GNA12: variants seen among roughly 807,000 people sequenced by gnomAD.
The protein encoded by GNA12 is G protein subunit alpha 12.
In GNA12, 9 loss-of-function variants were observed where a neutral mutation model predicts 26.0. That is an observed-to-expected ratio of 0.35 (90% CI 0.21 to 0.60). The LOEUF (loss-of-function observed/expected upper bound fraction) is 0.60, where lower values mean the gene tolerates loss of function less well. Among genes scored for constraint, GNA12 ranks in the 20% least tolerant of loss-of-function variants. The probability of loss-of-function intolerance (pLI) is 0.78; values close to 1 mark genes in which losing one functional copy is unlikely to be tolerated. For synonymous variants in GNA12, 264 were observed against 219.6 expected, an observed-to-expected ratio of 1.20 and a Z score of -1.79; for missense variants, 405 against 525.8, an observed-to-expected ratio of 0.77 and a Z score of 2.25.
intron 1 of GNA12, among the ~76,000 whole-genome samples, chr7:2,820,951 G>A (rs938301718): frequency 5.9e-5 from 9 of 152,210 alleles, no homozygotes; most frequent in African/African-American, 2.2e-4. Context: ...ATGTTGCTCA[G>A]GCTGGTCTTG....
chr7:2,769,816 A>G (rs1791903291), intron 2 of GNA12, among the ~76,000 whole-genome samples: 2 of 152,202 alleles, frequency 1.3e-5, no homozygotes, highest in Non-Finnish European at 2.9e-5. Flanking sequence ...TTATATCCTA[A>G]TGAACAAGGG....
intron 2 of GNA12, among the ~76,000 whole-genome samples, chr7:2,771,225 A>T (rs984137432): frequency 6.6e-6 from 1 of 151,984 alleles, no homozygotes; most frequent in African/African-American, 2.4e-5. Flanking sequence ...TGGGAGGTGG[A>T]GGTTGCCGTG....
intron 2 of GNA12, among the ~76,000 whole-genome samples, chr7:2,759,190 AAAT>A (rs1791444718): frequency 6.6e-6 from 1 of 150,998 alleles, no homozygotes; most frequent in Admixed American, 6.6e-5. Flanking sequence ...TAAATAAATA[AAAT>A]AAAAATAAAA....
chr7:2,764,249 T>C (rs368699386), intron 2 of GNA12, among the ~76,000 whole-genome samples: 36,571 of 149,464 alleles, frequency 0.24, 4,846 homozygotes, highest in Non-Finnish European at 0.29. Context: ...AATTTCTTTT[T>C]TTTTTTTTTT....
Position 2,728,886 on chromosome 7 carries a change from C to A in GNA12, c.*2295G>T, listed in dbSNP as rs549842321. 6.6e-6 allele frequency: 1 copy of A among 152,412 alleles called. No individual in the cohort carries two copies. Among genetic ancestry groups the A allele is most frequent in the Non-Finnish European group, 1.5e-5 (1 of 68,072 alleles). 9.4% of individuals were successfully genotyped at this position (152,412 alleles called of 1,614,324 possible). On this transcript the variant is annotated 3_prime_UTR_variant, in exon 4 of 4. Transcript: ENST00000275364. Reference sequence around the variant, plus strand: ...TCCAGCTCAGCAAGGCCAAGTGCCTCGGCCAGGGCGGTGGGGTCAGCGCTG... The same window carrying A: ...TCCAGCTCAGCAAGGCCAAGTGCCTAGGCCAGGGCGGTGGGGTCAGCGCTG...
chr7:2,750,788 C>G (rs981872683), intron 2 of GNA12, among the ~76,000 whole-genome samples: 10 of 152,170 alleles, frequency 6.6e-5, no homozygotes, highest in African/African-American at 2.2e-4. Flanking sequence ...TGTGAAGAAA[C>G]ACAGTGTGAA....
intron 1 of GNA12, among the ~76,000 whole-genome samples, chr7:2,804,453 G>A (rs2115472120): frequency 6.6e-6 from 1 of 152,210 alleles, no homozygotes; most frequent in Admixed American, 6.5e-5. Context: ...AGTGCCACTG[G>A]GCCAGACTCT....
intron 2 of GNA12, among the ~76,000 whole-genome samples, chr7:2,780,966 A>T (rs1031347295): frequency 6.6e-6 from 1 of 152,258 alleles, no homozygotes; most frequent in Non-Finnish European, 1.5e-5. Context: ...TGTTCCCACC[A>T]GCACTGCAGT....
At chr7:2,823,444 G>A (rs1201811009) in intron 1 of GNA12, among the ~76,000 whole-genome samples, 5 of 152,174 alleles carry the variant, frequency 3.3e-5, no homozygotes, top group Non-Finnish European at 7.4e-5. Context: ...GGAACAGAGG[G>A]CATAAGGAAG....
At chr7:2,744,570 A>G (rs568359837) in intron 2 of GNA12, among the ~76,000 whole-genome samples, 15 of 152,356 alleles carry the variant, frequency 9.8e-5, no homozygotes, top group Admixed American at 3.3e-4. Context: ...AGATGGGGAA[A>G]AAACAGAGCA....
At position 2,728,478 on chromosome 7, in the gene GNA12, G is replaced by T. The variant is rs11552942; in HGVS notation, c.*2703C>A. ...AAAATCCTTGAAACAATTTCTCTAC[G>T]AACATAAGAGTTAAAAATAGATTTC... On this transcript the variant is annotated 3_prime_UTR_variant, in exon 4 of 4. Coordinates refer to ENST00000275364, the MANE Select transcript of GNA12 (RefSeq NM_007353.3). 1,193 of 152,206 alleles carry T rather than the reference G, an allele frequency of 7.8e-3. 9 individuals are homozygous for T. Among genetic ancestry groups the T allele is most frequent in the Middle Eastern group, 0.031 (9 of 294 alleles). 9.4% of individuals were successfully genotyped at this position (152,206 alleles called of 1,614,324 possible). A position where few individuals can be genotyped will look rare whatever the true frequency, so the allele number is the denominator to read the frequency against.
At chr7:2,803,306 TAAG>T (rs1393066021) in intron 1 of GNA12, among the ~76,000 whole-genome samples, 1 of 152,108 alleles carries the variant, frequency 6.6e-6, no homozygotes, top group Non-Finnish European at 1.5e-5. Flanking sequence ...TGTGGAGAGC[TAAG>T]AAGTCTGTGT....
intron 1 of GNA12, among the ~76,000 whole-genome samples, chr7:2,817,622 CT>C (rs1793247117): frequency 6.6e-6 from 1 of 152,222 alleles, no homozygotes; most frequent in Non-Finnish European, 1.5e-5. Context: ...ACAACATGGA[CT>C]CTGACTTTTG....
At chr7:2,810,550 ATTT>A (rs35567574) in intron 1 of GNA12, among the ~76,000 whole-genome samples, 16 of 150,442 alleles carry the variant, frequency 1.1e-4, no homozygotes, top group Non-Finnish European at 2.2e-4. Flanking sequence ...TTTGTCAATA[ATTT>A]TTTTTTTACA....
chr7:2,740,814 G>A (rs1790461108), intron 2 of GNA12, among the ~76,000 whole-genome samples: 1 of 152,220 alleles, frequency 6.6e-6, no homozygotes, highest in South Asian at 2.1e-4. Flanking sequence ...GGAGGCCGAG[G>A]CGGACGGATC....
In GNA12 at chr7:2,817,169, G is replaced by A. The variant is rs551295721; in HGVS notation, c.310-22026C>T. Among the ~76,000 whole-genome samples the A allele has an allele frequency of 7.9e-5, 12 of 152,302 alleles. 1 individual carries two copies. Among genetic ancestry groups the A allele is most frequent in the Admixed American group, 3.3e-4 (5 of 15,302 alleles). ...TGCCCAGGCTGTAGCGCAATGGCGC[G>A]ACCTCGGCTCACCGCAACCTCCACC... On this transcript the variant is annotated intron_variant, in intron 1 of 3. Transcript: ENST00000275364.
intron 1 of GNA12, among the ~76,000 whole-genome samples, chr7:2,831,404 C>CTTTTT (rs3996402): frequency 1.5e-5 from 2 of 130,082 alleles, no homozygotes; most frequent in African/African-American, 2.8e-5. Context: ...ACTTCACTTT[C>CTTTTT]TTTTTTTTTT....
At position 2,762,636 on chromosome 7, in the gene GNA12, A is replaced by T. The variant is rs1306189547; in HGVS notation, c.526-29135T>A. Reference sequence around the variant, plus strand: ...TTCCGGATAAGACCCCAATGCCATGAAGCACAGAGCGGCAGGACGATGAGA... The same window carrying T: ...TTCCGGATAAGACCCCAATGCCATGTAGCACAGAGCGGCAGGACGATGAGA... On this transcript the variant is annotated intron_variant, in intron 2 of 3. Transcript: ENST00000275364. 4 of 1,588,464 alleles carry T rather than the reference A, an allele frequency of 2.5e-6. 1 individual carries two copies. The South Asian group carries it at 4.6e-5, about 18-fold the overall frequency.
intron 1 of GNA12, among the ~76,000 whole-genome samples, chr7:2,821,933 C>T (rs1793379081): frequency 6.6e-6 from 1 of 152,152 alleles, no homozygotes; most frequent in Non-Finnish European, 1.5e-5. Context: ...TACTCAAATG[C>T]CTACTATGTG....
Sources: gnomAD v4.1 joint callset for allele counts (sites outside exome capture counted in the v4.1 genomes callset) on GRCh38, gnomAD v4.1.1 for gene constraint, MANE v1.5 for transcripts, NCBI Gene and HGNC (gene_info 2026-07-23, HGNC 2026-07-21) for gene names.